CAMTA1: variants seen among roughly 807,000 people sequenced by gnomAD.
CAMTA1 encodes the protein calmodulin binding transcription activator 1, also known as calmodulin-binding transcription activator 1.
Under a neutral mutation model 170.9 loss-of-function variants are expected in CAMTA1, and 27 were observed. That is an observed-to-expected ratio of 0.16 (90% CI 0.12 to 0.22). The LOEUF (loss-of-function observed/expected upper bound fraction) is 0.22. CAMTA1 is among the 10% of genes least tolerant of loss of function. CAMTA1 has a pLI of 1.00. For synonymous variants in CAMTA1, 833 were observed against 891.5 expected, an observed-to-expected ratio of 0.93 and a Z score of 1.17; for missense variants, 1,619 against 2,217.2, an observed-to-expected ratio of 0.73 and a Z score of 5.42.
chr1:7,151,538 C>G (rs1269949756), intron 4 of CAMTA1, among the ~76,000 whole-genome samples: 2 of 152,178 alleles, frequency 1.3e-5, no homozygotes, highest in Non-Finnish European at 2.9e-5. Flanking sequence ...ACGGGAGCTG[C>G]TTTTTCTTGG....
chr1:7,222,901 C>T (rs899924801), intron 4 of CAMTA1, among the ~76,000 whole-genome samples: 1 of 152,272 alleles, frequency 6.6e-6, no homozygotes, highest in Admixed American at 6.5e-5. Context: ...TCAGGTGCAG[C>T]TGTGAGGATC....
intron 4 of CAMTA1, among the ~76,000 whole-genome samples, chr1:7,214,055 G>A (rs533921093): frequency 5.4e-4 from 82 of 152,252 alleles, no homozygotes; most frequent in Admixed American, 1.7e-3. Context: ...TGTGAATAGT[G>A]CCACAATAAA....
At chr1:7,204,087 C>T (rs1657233233) in intron 4 of CAMTA1, among the ~76,000 whole-genome samples, 1 of 152,038 alleles carries the variant, frequency 6.6e-6, no homozygotes, top group Admixed American at 6.6e-5. Flanking sequence ...ATCCGCTCGC[C>T]TCAGCCTCCC....
chr1:7,423,751 A>G (rs1428367099), intron 5 of CAMTA1, among the ~76,000 whole-genome samples: 2 of 152,160 alleles, frequency 1.3e-5, no homozygotes, highest in African/African-American at 4.8e-5. Flanking sequence ...GTGATGAGCG[A>G]AGGAGGATGT....
chr1:7,382,843 G>C (rs1364426791), intron 5 of CAMTA1: 3 of 99,190 alleles, frequency 3.0e-5, no homozygotes, highest in African/African-American at 1.0e-4. Flanking sequence ...TAGATAGATA[G>C]ATAGATAGAT....
chr1:7,370,597 C>T (rs1046626955), intron 5 of CAMTA1, among the ~76,000 whole-genome samples: 4 of 152,224 alleles, frequency 2.6e-5, no homozygotes, highest in East Asian at 1.9e-4. Flanking sequence ...TTTATTGACA[C>T]GTATTAGTGT....
At chr1:7,541,708 T>G (rs1293027090) in intron 6 of CAMTA1, among the ~76,000 whole-genome samples, 1 of 152,224 alleles carries the variant, frequency 6.6e-6, no homozygotes, top group Non-Finnish European at 1.5e-5. Flanking sequence ...AAACCCCCAC[T>G]GCAGCCTTTG....
intron 5 of CAMTA1, among the ~76,000 whole-genome samples, chr1:7,335,612 AG>A (rs1180960488): frequency 1.3e-5 from 2 of 152,198 alleles, no homozygotes; most frequent in Non-Finnish European, 2.9e-5. Flanking sequence ...AAACCCAGGC[AG>A]GGCTTTCACA....
chr1:7,222,895 G>A (rs1292025560), intron 4 of CAMTA1, among the ~76,000 whole-genome samples: 2 of 152,228 alleles, frequency 1.3e-5, no homozygotes, highest in Non-Finnish European at 2.9e-5. Flanking sequence ...TCTGCCTCAG[G>A]TGCAGCTGTG....
chr1:6,910,657 G>A (rs569357974), intron 3 of CAMTA1, among the ~76,000 whole-genome samples: 1 of 152,346 alleles, frequency 6.6e-6, no homozygotes, highest in Non-Finnish European at 1.5e-5. Flanking sequence ...TTGTGTCCTT[G>A]CAGTCCATCT....
intron 5 of CAMTA1, among the ~76,000 whole-genome samples, chr1:7,307,944 A>G (rs1675839524): frequency 6.6e-6 from 1 of 152,000 alleles, no homozygotes; most frequent in African/African-American, 2.4e-5. Context: ...TTCTTTAAAC[A>G]TTTAGTAAAA....
chr1:7,125,683 C>A (rs1018490392), intron 4 of CAMTA1, among the ~76,000 whole-genome samples: 2 of 152,044 alleles, frequency 1.3e-5, no homozygotes, highest in South Asian at 2.1e-4. Flanking sequence ...GGCCCCGGGG[C>A]GACTGGGGGC....
intron 5 of CAMTA1, among the ~76,000 whole-genome samples, chr1:7,404,598 T>C (rs746395538): frequency 2.5e-4 from 38 of 152,184 alleles, no homozygotes; most frequent in Non-Finnish European, 4.4e-4. Context: ...CCAGGAGTTT[T>C]GGGGACCCTC....
intron 6 of CAMTA1, among the ~76,000 whole-genome samples, chr1:7,524,928 G>A (rs1480821166): frequency 6.6e-6 from 1 of 152,118 alleles, no homozygotes; most frequent in African/African-American, 2.4e-5. Flanking sequence ...AAGGAACCCT[G>A]ACAAACCAGT....
At chr1:7,075,823 C>T (rs985969803) in intron 3 of CAMTA1, among the ~76,000 whole-genome samples, 8 of 151,948 alleles carry the variant, frequency 5.3e-5, no homozygotes, top group African/African-American at 9.7e-5. Flanking sequence ...CCACCACGCC[C>T]GGCTAATTTT....
In CAMTA1 at chr1:7,663,603, C is replaced by G. The variant is rs575534336; in HGVS notation, c.1056C>G (p.Pro352=). The G allele has an allele frequency of 9.9e-6, 16 of 1,613,986 alleles. No individual in the cohort carries two copies. The South Asian group carries it at 1.4e-4, about 14-fold the overall frequency. Reference sequence around the variant, plus strand: ...CCTCCACCAACCAGGTGGAAGTCCCCGACACCACCCAGAGCTCCCCTGTGT... The same window carrying G: ...CCTCCACCAACCAGGTGGAAGTCCCGGACACCACCCAGAGCTCCCCTGTGT... ...EVSSTNQVEV[P]DTTQSSPVSI... The change falls in exon 9 of 23, where the codon CCC becomes CCG. Residue 352 remains proline (P), a synonymous_variant. Transcript: ENST00000303635.
Position 7,065,828 on chromosome 1 carries a change from T to A in CAMTA1, c.235-25476T>A, listed in dbSNP as rs2101817673. Among the ~76,000 whole-genome samples the A allele has an allele frequency of 6.6e-6, 1 of 152,318 alleles. No individual in the cohort carries two copies. The highest frequency in any genetic ancestry group is 3.4e-3 in the Middle Eastern group (1 of 294). On this transcript the variant is annotated intron_variant, in intron 3 of 22. Transcript: ENST00000303635. The surrounding 1 kb of genome is among the most constrained non-coding windows in gnomAD (Gnocchi z 5.2). ...TCTTCTGTCAAAGAGCAAGTGGCCT[T>A]TAAGGCATGTTTATCTATTCCCTTA...
At chr1:7,711,173 G>C (rs115806068) in intron 11 of CAMTA1, among the ~76,000 whole-genome samples, 1 of 152,156 alleles carries the variant, frequency 6.6e-6, no homozygotes, top group African/African-American at 2.4e-5. Context: ...ACTTCTTGCT[G>C]TATCCTTACA....
At chr1:7,152,711 C>T (rs537133310) in intron 4 of CAMTA1, among the ~76,000 whole-genome samples, 8 of 152,282 alleles carry the variant, frequency 5.3e-5, no homozygotes, top group South Asian at 2.1e-4. Context: ...CCTCCCAGCC[C>T]GAGACTCTTT....
Sources: gnomAD v4.1 joint callset for allele counts (sites outside exome capture counted in the v4.1 genomes callset) on GRCh38, gnomAD v4.1.1 for gene constraint, Gnocchi (gnomAD v3.1) non-coding constraint, MANE v1.5 for transcripts, NCBI Gene and HGNC (gene_info 2026-07-23, HGNC 2026-07-21) for gene names.